GRM7: variants seen among roughly 807,000 people sequenced by gnomAD.
The protein encoded by GRM7 is glutamate metabotropic receptor 7.
Under a neutral mutation model 84.5 loss-of-function variants are expected in GRM7, and 35 were observed. That is an observed-to-expected ratio of 0.41 (90% CI 0.32 to 0.55). The LOEUF (loss-of-function observed/expected upper bound fraction) is 0.55. Among genes scored for constraint, GRM7 ranks in the 20% least tolerant of loss-of-function variants. The pLI, the probability that GRM7 is intolerant of heterozygous loss-of-function variation, is 0.19. For synonymous variants in GRM7, 487 were observed against 455.1 expected, an observed-to-expected ratio of 1.07 and a Z score of -0.89; for missense variants, 1,003 against 1,194.6, an observed-to-expected ratio of 0.84 and a Z score of 2.36.
chr3:6,943,610 T>C (rs1697963585), intron 1 of GRM7, among the ~76,000 whole-genome samples: 1 of 152,050 alleles, frequency 6.6e-6, no homozygotes. Context: ...ATAACACATA[T>C]TGAAGTTGAG....
intron 2 of GRM7, among the ~76,000 whole-genome samples, chr3:7,238,104 A>C (rs1697412402): frequency 6.6e-6 from 1 of 152,112 alleles, no homozygotes; most frequent in African/African-American, 2.4e-5. Flanking sequence ...ATTGAATCAA[A>C]ATTATATCAG....
chr3:7,578,816 T>C lies in GRM7; in HGVS notation c.1910T>C (p.Phe637Ser). ...AGCTATGTTCTTTTGACGGGCATCT[T>C]TCTTTGCTACATCATCACTTTCCTG... ...ELSYVLLTGI[F>S]LCYIITFLMI... Residue 637 changes from phenylalanine (F) to serine (S), a missense_variant, in exon 8 of 10, where the codon TTT becomes TCT. Transcript: ENST00000357716. 1 of 1,614,190 alleles carries C rather than the reference T, an allele frequency of 6.2e-7. No individual in the cohort carries two copies. The highest frequency in any genetic ancestry group is 8.5e-7 in the Non-Finnish European group (1 of 1,180,028).
At chr3:7,133,281 T>C (rs1693664251) in intron 1 of GRM7, among the ~76,000 whole-genome samples, 1 of 152,238 alleles carries the variant, frequency 6.6e-6, no homozygotes, top group Admixed American at 6.5e-5. Context: ...AGAGTGATGG[T>C]TGAGATTCCC....
chr3:7,480,835 G>T (rs1458773439), intron 7 of GRM7, among the ~76,000 whole-genome samples: 1 of 152,102 alleles, frequency 6.6e-6, no homozygotes, highest in Non-Finnish European at 1.5e-5. Context: ...AAGCAACCTC[G>T]TTCAGATGAG....
chr3:7,130,330 T>C (rs1284391440), intron 1 of GRM7, among the ~76,000 whole-genome samples: 1 of 151,850 alleles, frequency 6.6e-6, no homozygotes, highest in African/African-American at 2.4e-5. Context: ...AATCACGAAG[T>C]TAGGAGTTTG....
chr3:7,694,719 C>T (rs1308993450), intron 9 of GRM7, among the ~76,000 whole-genome samples: 1 of 152,152 alleles, frequency 6.6e-6, no homozygotes. Flanking sequence ...AACATTTTCA[C>T]CATCATGGTT....
At chr3:7,570,666 C>A (rs28825777) in intron 7 of GRM7, among the ~76,000 whole-genome samples, 1 of 152,148 alleles carries the variant, frequency 6.6e-6, no homozygotes, top group Non-Finnish European at 1.5e-5. Flanking sequence ...TCCACACACA[C>A]GATACAAGTT....
chr3:7,611,371 A>G (rs1696839424), intron 8 of GRM7, among the ~76,000 whole-genome samples: 1 of 152,164 alleles, frequency 6.6e-6, no homozygotes, highest in Non-Finnish European at 1.5e-5. Flanking sequence ...GGGAAGAAAC[A>G]TGGGGATGCA....
chr3:7,153,878 G>C (rs1345135338), intron 2 of GRM7, among the ~76,000 whole-genome samples: 2 of 152,026 alleles, frequency 1.3e-5, no homozygotes, highest in Non-Finnish European at 2.9e-5. Flanking sequence ...AATGAACACA[G>C]CCTGGTTAGG....
chr3:6,911,896 GT>G (rs1158749472), intron 1 of GRM7, among the ~76,000 whole-genome samples: 1 of 152,146 alleles, frequency 6.6e-6, no homozygotes, highest in Admixed American at 6.6e-5. Flanking sequence ...TGCATTAGAC[GT>G]TTTCAAAATG....
At chr3:7,026,899 G>T (rs527523678) in intron 1 of GRM7, among the ~76,000 whole-genome samples, 1 of 152,280 alleles carries the variant, frequency 6.6e-6, no homozygotes, top group South Asian at 2.1e-4. Context: ...TTTCCAGCTT[G>T]ATTTACTTCT....
chr3:7,428,040 C>T lies in GRM7; in HGVS notation c.1174+12877C>T, dbSNP rs572707163. Among the ~76,000 whole-genome samples the T allele has an allele frequency of 3.3e-5, 5 of 152,296 alleles. No homozygotes were observed. The East Asian group carries it at 9.6e-4, about 29-fold the overall frequency. On this transcript the variant is annotated intron_variant, in intron 5 of 9. Transcript: ENST00000357716. ...CAAAACATTTAGGACCCAGCACCAGCCACTACAGAAGCAAAGAAAAGATAC... is the reference window on the plus strand; with the variant it reads ...CAAAACATTTAGGACCCAGCACCAGTCACTACAGAAGCAAAGAAAAGATAC...
chr3:7,592,172 A>T (rs1695816521), intron 8 of GRM7, among the ~76,000 whole-genome samples: 1 of 152,178 alleles, frequency 6.6e-6, no homozygotes, highest in African/African-American at 2.4e-5. Flanking sequence ...AAAAGAGATA[A>T]ATTCCTGAGT....
At chr3:7,374,409 C>T (rs1694260218) in intron 4 of GRM7, among the ~76,000 whole-genome samples, 2 of 151,802 alleles carry the variant, frequency 1.3e-5, no homozygotes, top group African/African-American at 2.4e-5. Context: ...GAACTCCTGG[C>T]CTCTAGCAAT....
chr3:7,697,328 T>A (rs990350140), intron 9 of GRM7, among the ~76,000 whole-genome samples: 7 of 152,308 alleles, frequency 4.6e-5, no homozygotes, highest in Middle Eastern at 3.4e-3. Flanking sequence ...ATCTTTTTTT[T>A]ATCTTCAGGG....
chr3:6,884,318 CT>C (rs961090040), intron 1 of GRM7: 1 of 152,582 alleles, frequency 6.6e-6, no homozygotes, highest in African/African-American at 2.4e-5. Context: ...TAGTTAATTT[CT>C]TGTCATTGGG....
intron 1 of GRM7, among the ~76,000 whole-genome samples, chr3:6,931,259 C>G (rs1697489855): frequency 2.0e-5 from 3 of 152,224 alleles, no homozygotes; most frequent in East Asian, 3.9e-4. Context: ...CAGAACATGT[C>G]AAGGCTTTGT....
chr3:7,152,068 AC>A (rs1464661133), intron 2 of GRM7, among the ~76,000 whole-genome samples: 2 of 152,226 alleles, frequency 1.3e-5, no homozygotes, highest in Non-Finnish European at 2.9e-5. Context: ...ACACAAAATC[AC>A]AAAATTCTTA....
At chr3:7,276,218 T>TGG in intron 2 of GRM7, among the ~76,000 whole-genome samples, 1 of 147,442 alleles carries the variant, frequency 6.8e-6, no homozygotes, top group Admixed American at 6.7e-5. Context: ...TGTGTGTGTG[T>TGG]GTGTGTGTGT....
Sources: allele counts gnomAD v4.1 joint callset (sites outside exome capture counted in the v4.1 genomes callset), GRCh38; gene constraint gnomAD v4.1.1; transcripts MANE v1.5; gene names NCBI Gene and HGNC (gene_info 2026-07-23, HGNC 2026-07-21).